Variants in FXR1 observed in about 807,000 individuals in gnomAD.
FXR1 encodes FMR1 autosomal homolog 1, also known as RNA-binding protein FXR1.
A neutral mutation model predicts 84.0 loss-of-function variants in FXR1; 15 were observed. The observed-to-expected ratio is 0.18, with a 90% CI of 0.12 to 0.27. The LOEUF is 0.27. Ranked by LOEUF, FXR1 falls within the 10% of genes least tolerant of loss-of-function variation. FXR1 has a pLI of 1.00. For missense variants in FXR1, 480 were observed against 774.4 expected (o/e 0.62, Z 4.51); for synonymous variants, 245 against 250.7 (o/e 0.98, Z 0.21).
Position 180,980,705 on chromosome 3 carries a change from C to G in FXR1, c.*4413C>G, listed in dbSNP as rs1486682483. On this transcript the variant is annotated 3_prime_UTR_variant, in exon 17 of 17. Coordinates refer to ENST00000357559, the MANE Select transcript of FXR1 (RefSeq NM_005087.4). ...GATTATCCCATATCATTGGACTGTTCTATTATTGGGTCAGGAATAATAGGT... is the reference window on the plus strand; with the variant it reads ...GATTATCCCATATCATTGGACTGTTGTATTATTGGGTCAGGAATAATAGGT... 1.3e-5 allele frequency: 2 copies of G among 151,944 alleles called. No homozygotes were observed. The highest frequency in any genetic ancestry group is 2.9e-5 in the Non-Finnish European group (2 of 67,908). 9.4% of individuals were successfully genotyped at this position (151,944 alleles called of 1,614,324 possible). A position where few individuals can be genotyped will look rare whatever the true frequency, so the allele number is the denominator to read the frequency against.
chr3:180,959,309 C>CAT (rs1425102945), intron 10 of FXR1, among the ~76,000 whole-genome samples: 1 of 150,144 alleles, frequency 6.7e-6, no homozygotes, highest in Non-Finnish European at 1.5e-5. Flanking sequence ...TTGGTCATAT[C>CAT]ATTAATGCTG....
At chr3:180,955,389 C>A (rs901231306) in intron 9 of FXR1, among the ~76,000 whole-genome samples, 1 of 151,972 alleles carries the variant, frequency 6.6e-6, no homozygotes, top group Admixed American at 6.6e-5. Flanking sequence ...TCTTGGTATA[C>A]CGTTGTTCAC....
chr3:180,935,460 G>A (rs1393724409), intron 3 of FXR1, among the ~76,000 whole-genome samples: 2 of 152,240 alleles, frequency 1.3e-5, no homozygotes, highest in East Asian at 1.9e-4. Context: ...TTATAATTTG[G>A]AAGTCATGGA....
In FXR1 at chr3:180,982,144, C is replaced by T. The variant is rs1324373263; in HGVS notation, c.*5852C>T. ...TCAGCATGTTGCCTTGGCTGCTTAA[C>T]CTTACTAAACTTCCATTTCCTCACA... On this transcript the variant is annotated 3_prime_UTR_variant, in exon 17 of 17. Transcript: ENST00000357559. 6.6e-6 allele frequency: 1 copy of T among 152,036 alleles called. No homozygotes were observed. The highest frequency in any genetic ancestry group is 2.4e-5 in the African/African-American group (1 of 41,426). 9.4% of individuals were successfully genotyped at this position (152,036 alleles called of 1,614,324 possible). A position where few individuals can be genotyped will look rare whatever the true frequency, so the allele number is the denominator to read the frequency against.
intron 1 of FXR1, among the ~76,000 whole-genome samples, chr3:180,916,724 T>C (rs1338500961): frequency 6.6e-6 from 1 of 151,468 alleles, no homozygotes; most frequent in Non-Finnish European, 1.5e-5. Flanking sequence ...TAATTTTAAA[T>C]AGAAGTTGGA....
Position 180,940,662 on chromosome 3 carries a change from C to T in FXR1, c.198+5431C>T, listed in dbSNP as rs149436973. ...CGCCATCTCGGCTCAGCGCAACCTCCGCCTCCTGGGTTCAAGTGATTCTCC... is the reference window on the plus strand; with the variant it reads ...CGCCATCTCGGCTCAGCGCAACCTCTGCCTCCTGGGTTCAAGTGATTCTCC... On this transcript the variant is annotated intron_variant, in intron 3 of 16. Transcript: ENST00000357559. 8.3e-3 allele frequency among the ~76,000 whole-genome samples: 1,258 copies of T among 151,792 alleles called. 25 individuals are homozygous for T. Among genetic ancestry groups the T allele is most frequent in the African/African-American group, 0.029 (1,192 of 41,308 alleles).
chr3:180,913,513 T>G (rs1211865813), intron 1 of FXR1, among the ~76,000 whole-genome samples: 1 of 152,172 alleles, frequency 6.6e-6, no homozygotes, highest in East Asian at 1.9e-4. Flanking sequence ...AGGGAGGTTT[T>G]GTTTTGTTTT....
chr3:180,961,560 T>C lies in FXR1; in HGVS notation c.1077+6T>C, dbSNP rs551058473. 3 of 1,294,998 alleles carry C rather than the reference T, an allele frequency of 2.3e-6. No homozygotes were observed. Among genetic ancestry groups the C allele is most frequent in the East Asian group, 4.6e-5 (2 of 43,144 alleles). The allele number at this position is 1,294,998 out of a possible 1,614,324, so 80.2% of individuals were successfully genotyped here. A position where few individuals can be genotyped will look rare whatever the true frequency, so the allele number is the denominator to read the frequency against. On this transcript the variant is annotated splice_donor_region_variant and intron_variant, in intron 11 of 16. Coordinates refer to ENST00000357559, the MANE Select transcript of FXR1 (RefSeq NM_005087.4). ...ATCATATTGCCTATCTAAAGGTTTG[T>C]ATACGGTTCATACTATATTCTGATA...
At chr3:180,954,275 G>C (rs772050670) in intron 9 of FXR1, among the ~76,000 whole-genome samples, 1 of 152,080 alleles carries the variant, frequency 6.6e-6, no homozygotes, top group Non-Finnish European at 1.5e-5. Flanking sequence ...CTAACAATAG[G>C]GTAATAAACT....
chr3:180,914,818 C>T (rs1717684621), intron 1 of FXR1: 1 of 984,694 alleles, frequency 1.0e-6, no homozygotes, highest in South Asian at 4.7e-5. Flanking sequence ...GGAAAGGACA[C>T]TAGCCACCTG....
intron 2 of FXR1, among the ~76,000 whole-genome samples, chr3:180,934,237 A>G (rs1332711292): frequency 3.3e-5 from 5 of 152,230 alleles, no homozygotes; most frequent in African/African-American, 1.2e-4. Flanking sequence ...AAGTGTTGAG[A>G]TGATTTCTAT....
chr3:180,943,994 G>C (rs980160323), intron 3 of FXR1, among the ~76,000 whole-genome samples: 1 of 151,774 alleles, frequency 6.6e-6, no homozygotes, highest in African/African-American at 2.4e-5. Context: ...TCAGCTCACC[G>C]CAGCCTCCGC....
intron 8 of FXR1, among the ~76,000 whole-genome samples, chr3:180,953,065 A>G (rs1342856829): frequency 6.6e-6 from 1 of 151,792 alleles, no homozygotes; most frequent in Admixed American, 6.6e-5. Flanking sequence ...CTGGTCTCAA[A>G]CTCTTGGCCT....
At chr3:180,921,387 A>AG (rs1462863129) in intron 1 of FXR1, among the ~76,000 whole-genome samples, 2 of 152,030 alleles carry the variant, frequency 1.3e-5, no homozygotes, top group East Asian at 3.8e-4. Context: ...AAAAAAAAAA[A>AG]AACTTGTAAT....
At chr3:180,962,807 A>T (rs1712292961) in intron 11 of FXR1, 76 bp from the exon 12 acceptor site, 1 of 949,158 alleles carries the variant, frequency 1.1e-6, no homozygotes, top group Non-Finnish European at 1.7e-6. Context: ...GATAGGGAGT[A>T]CAGCTTTAGC....
intron 2 of FXR1, among the ~76,000 whole-genome samples, chr3:180,934,219 G>C (rs150350001): frequency 7.9e-4 from 121 of 152,334 alleles, no homozygotes; most frequent in African/African-American, 2.8e-3. Context: ...GCTGCTTCAT[G>C]TAGAAACAAG....
chr3:180,967,949 C>A, intron 13 of FXR1, 102 bp from the exon 14 acceptor site: 1 of 734,788 alleles, frequency 1.4e-6, no homozygotes, highest in South Asian at 1.6e-5. Flanking sequence ...AGCAGCCAAA[C>A]AGTATTGCTT....
chr3:180,925,228 G>A lies in FXR1; in HGVS notation c.52-8106G>A, dbSNP rs546608966. On this transcript the variant is annotated intron_variant, in intron 1 of 16. Coordinates refer to ENST00000357559, the MANE Select transcript of FXR1 (RefSeq NM_005087.4). The stretch of plus-strand genomic sequence containing the variant: ...ATAAAAAAGTTAGCCGGGCATGGTG[G>A]CACGTGCCTCTAGTCCCAGCTACTC... Among the ~76,000 whole-genome samples, 339 of 152,142 alleles carry A rather than the reference G, an allele frequency of 2.2e-3. 2 individuals are homozygous for A. The highest frequency in any genetic ancestry group is 3.6e-3 in the Non-Finnish European group (242 of 67,994).
chr3:180,948,436 T>C lies in FXR1; in HGVS notation c.360T>C (p.Thr120=), dbSNP rs770741036. 3 of 1,609,878 alleles carry C rather than the reference T, an allele frequency of 1.9e-6. No homozygotes were observed. The highest frequency in any genetic ancestry group is 1.1e-5 in the South Asian group (1 of 90,916). The change falls in exon 5 of 17, where the codon ACT becomes ACC. Residue 120 remains threonine (T), a synonymous_variant. Transcript: ENST00000357559. Reference sequence around the variant, plus strand: ...TTCGGCCTGTCAATCAAAATAAAACTGTCAAAAAAAATACCTTCTTTAAAT... The same window carrying C: ...TTCGGCCTGTCAATCAAAATAAAACCGTCAAAAAAAATACCTTCTTTAAAT... The part of the protein sequence containing the change: ...ERLRPVNQNK[T]VKKNTFFKCT...
Sources: gnomAD v4.1 joint callset for allele counts (sites outside exome capture counted in the v4.1 genomes callset) on GRCh38, gnomAD v4.1.1 for gene constraint, MANE v1.5 for transcripts, NCBI Gene and HGNC (gene_info 2026-07-23, HGNC 2026-07-21) for gene names.